SHISA9: variants seen among roughly 807,000 people sequenced by gnomAD.
The protein encoded by SHISA9 is protein shisa-9.
Under a neutral mutation model 38.0 loss-of-function variants are expected in SHISA9, and 13 were observed. The ratio of observed to expected loss-of-function variants is 0.34; its 90% CI spans 0.22 to 0.54. The LOEUF (loss-of-function observed/expected upper bound fraction) is 0.54, where lower values mean the gene tolerates loss of function less well. Among genes scored for constraint, SHISA9 ranks in the 20% least tolerant of loss-of-function variants. The pLI, the probability that SHISA9 is intolerant of heterozygous loss-of-function variation, is 0.91. For synonymous variants in SHISA9, 275 were observed against 242.0 expected (o/e 1.14, Z -1.27); for missense variants, 538 against 575.8 (o/e 0.93, Z 0.67).
intron 2 of SHISA9, among the ~76,000 whole-genome samples, chr16:13,001,581 G>A (rs1359002605): frequency 6.6e-6 from 1 of 152,152 alleles, no homozygotes; most frequent in African/African-American, 2.4e-5. Flanking sequence ...ATTGACTGAG[G>A]AATGGCAAAA....
the SHISA9 span, among the ~76,000 whole-genome samples, chr16:13,483,196 C>G: frequency 6.6e-6 from 1 of 152,098 alleles, no homozygotes; most frequent in Non-Finnish European, 1.5e-5. Context: ...AAGAGAGCCT[C>G]AAGTGGATTT....
Position 13,235,522 on chromosome 16 carries a change from T to C in SHISA9, c.*113T>C, listed in dbSNP as rs927497701. ...AATACATGCGTCCACACACTCACTC[T>C]CAACAAGAACCAACTCTAAACCTAC... On this transcript the variant is annotated 3_prime_UTR_variant, in exon 5 of 5. Coordinates refer to ENST00000558583, the MANE Select transcript of SHISA9 (RefSeq NM_001145204.3). 5 of 1,299,950 alleles carry C rather than the reference T, an allele frequency of 3.8e-6. No homozygotes were observed. The African/African-American group carries it at 7.5e-5, about 19-fold the overall frequency. The allele number at this position is 1,299,950 out of a possible 1,614,324, so 80.5% of individuals were successfully genotyped here. A position where few individuals can be genotyped will look rare whatever the true frequency, so the allele number is the denominator to read the frequency against.
chr16:13,015,464 G>C (rs1336389328), intron 2 of SHISA9, among the ~76,000 whole-genome samples: 1 of 152,254 alleles, frequency 6.6e-6, no homozygotes, highest in African/African-American at 2.4e-5. Flanking sequence ...GAGATCCGAT[G>C]TTTGGACTCC....
intron 2 of SHISA9, among the ~76,000 whole-genome samples, chr16:13,142,168 C>G (rs2050407406): frequency 6.6e-6 from 1 of 152,184 alleles, no homozygotes; most frequent in Admixed American, 6.5e-5. Flanking sequence ...CTAGGTCTCT[C>G]TTGTCTACGT....
intron 2 of SHISA9, among the ~76,000 whole-genome samples, chr16:13,075,560 C>G: frequency 6.6e-6 from 1 of 152,172 alleles, no homozygotes. Context: ...GGATCCTTCT[C>G]GTTCTGAAAA....
rs373793078 is a variant in SHISA9 at position 12,984,434 on chromosome 16, T to C, written c.691+67619T>C. ...TCAAATTCTCTCTTATTTACTGATA[T>C]TGTGTGAATAAAGCTGAATATCCAG... On this transcript the variant is annotated intron_variant, in intron 2 of 4. Coordinates refer to ENST00000558583, the MANE Select transcript of SHISA9 (RefSeq NM_001145204.3). 2.9e-4 allele frequency among the ~76,000 whole-genome samples: 44 copies of C among 152,272 alleles called. No homozygotes were observed. In the East Asian group the frequency reaches 3.5e-3, roughly 12 times the overall value.
chr16:13,327,657 A>G, the SHISA9 span, among the ~76,000 whole-genome samples: 5 of 152,108 alleles, frequency 3.3e-5, no homozygotes, highest in Admixed American at 2.6e-4. Flanking sequence ...TTGAGCCTCA[A>G]GATTGCACTT....
chr16:12,987,813 A>G (rs1302255215), intron 2 of SHISA9, among the ~76,000 whole-genome samples: 2 of 152,222 alleles, frequency 1.3e-5, no homozygotes, highest in Non-Finnish European at 2.9e-5. Context: ...AGGTGCTACC[A>G]GGCACGATGC....
the SHISA9 span, among the ~76,000 whole-genome samples, chr16:13,286,943 C>T: frequency 6.6e-6 from 1 of 151,968 alleles, no homozygotes; most frequent in African/African-American, 2.4e-5. Flanking sequence ...GAATTATGGC[C>T]ACCAGGCAAA....
chr16:13,015,890 C>CTTTTTTTCTTTCTTTCTTTCTTTCTT (rs768484604), intron 2 of SHISA9, among the ~76,000 whole-genome samples: 1 of 117,034 alleles, frequency 8.5e-6, no homozygotes, highest in Non-Finnish European at 1.8e-5. Flanking sequence ...TTCTTTCTTT[C>CTTTTTTTCTTTCTTTCTTTCTTTCTT]TTTCTTTCTT....
At chr16:13,377,317 T>C in the SHISA9 span, among the ~76,000 whole-genome samples, 1 of 152,230 alleles carries the variant, frequency 6.6e-6, no homozygotes, top group African/African-American at 2.4e-5. Flanking sequence ...AGCCGTGTAC[T>C]CAAGGATGAG....
intron 2 of SHISA9, among the ~76,000 whole-genome samples, chr16:13,064,964 C>A (rs1326435049): frequency 6.6e-6 from 1 of 152,140 alleles, no homozygotes; most frequent in South Asian, 2.1e-4. Context: ...TCACAAACTG[C>A]ATTCCTCCTT....
chr16:13,529,882 G>A, the SHISA9 span, among the ~76,000 whole-genome samples: 1 of 152,236 alleles, frequency 6.6e-6, no homozygotes, highest in Non-Finnish European at 1.5e-5. Context: ...GATTGATCTG[G>A]AGGAAATCCT....
chr16:13,296,217 G>GT, the SHISA9 span, among the ~76,000 whole-genome samples: 3,052 of 140,484 alleles, frequency 0.022, 78 homozygotes, highest in African/African-American at 0.067. Flanking sequence ...CTGCTTTTTT[G>GT]TTTTTTTTTT....
chr16:13,386,599 G>A, the SHISA9 span, among the ~76,000 whole-genome samples: 6 of 152,066 alleles, frequency 3.9e-5, no homozygotes, highest in Admixed American at 6.5e-5. Flanking sequence ...CTAAATTCTC[G>A]ATATTATTTT....
At chr16:12,968,831 G>A (rs1316294406) in intron 2 of SHISA9, among the ~76,000 whole-genome samples, 1 of 152,170 alleles carries the variant, frequency 6.6e-6, no homozygotes, top group East Asian at 1.9e-4. Context: ...ATATGTAAAT[G>A]AGTGAGTGTG....
chr16:13,133,421 T>C (rs886909457), intron 2 of SHISA9, among the ~76,000 whole-genome samples: 10 of 152,208 alleles, frequency 6.6e-5, no homozygotes, highest in Admixed American at 2.0e-4. Context: ...TAAACTTGGC[T>C]CATTGCCCAG....
the SHISA9 span, among the ~76,000 whole-genome samples, chr16:13,322,335 A>G: frequency 6.6e-6 from 1 of 152,224 alleles, no homozygotes; most frequent in Non-Finnish European, 1.5e-5. Context: ...CTCTGGAGCC[A>G]GGAGGGCCCT....
chr16:13,418,596 C>T, the SHISA9 span, among the ~76,000 whole-genome samples: 2 of 152,176 alleles, frequency 1.3e-5, no homozygotes, highest in South Asian at 2.1e-4. Flanking sequence ...AACCCAGAGA[C>T]TCCTGCCCAG....
Sources: allele counts gnomAD v4.1 joint callset (sites outside exome capture counted in the v4.1 genomes callset), GRCh38; gene constraint gnomAD v4.1.1; transcripts MANE v1.5; gene names NCBI Gene and HGNC (gene_info 2026-07-23, HGNC 2026-07-21).